KCNQ5: variants seen among roughly 807,000 people sequenced by gnomAD.
KCNQ5 encodes the protein potassium voltage-gated channel subfamily Q member 5.
In KCNQ5, 30 loss-of-function variants were observed where a neutral mutation model predicts 98.2. The observed-to-expected ratio is 0.31, with a 90% CI of 0.23 to 0.41. KCNQ5 has a LOEUF of 0.41. Among genes scored for constraint, KCNQ5 ranks in the 10% least tolerant of loss-of-function variants. The pLI is 1.00. For missense variants in KCNQ5, 835 were observed against 1,182.5 expected, an observed-to-expected ratio of 0.71 and a Z score of 4.31; for synonymous variants, 458 against 449.4, an observed-to-expected ratio of 1.02 and a Z score of -0.24.
At chr6:73,037,493 A>T (rs1198528955) in intron 2 of KCNQ5, among the ~76,000 whole-genome samples, 2 of 152,150 alleles carry the variant, frequency 1.3e-5, no homozygotes, top group African/African-American at 4.8e-5. Flanking sequence ...TTATTATTTT[A>T]TGTTTAATTT....
At chr6:73,022,991 C>G (rs1298582817) in intron 2 of KCNQ5, among the ~76,000 whole-genome samples, 1 of 152,162 alleles carries the variant, frequency 6.6e-6, no homozygotes, top group Admixed American at 6.5e-5. Context: ...GCACAATGAC[C>G]TGATCTGATC....
chr6:72,815,230 C>T (rs9351946), intron 1 of KCNQ5, among the ~76,000 whole-genome samples: 37,604 of 152,036 alleles, frequency 0.25, 4,901 homozygotes, highest in Admixed American at 0.37. Flanking sequence ...ACCTAACACA[C>T]GCCTGGCACA....
chr6:73,038,918 G>T (rs569486251), intron 2 of KCNQ5, among the ~76,000 whole-genome samples: 1 of 152,072 alleles, frequency 6.6e-6, no homozygotes, highest in Non-Finnish European at 1.5e-5. Flanking sequence ...GTGTGAAAAT[G>T]ATATATTCTT....
At chr6:72,873,716 G>A (rs143250401) in intron 1 of KCNQ5, among the ~76,000 whole-genome samples, 2,234 of 151,900 alleles carry the variant, frequency 0.015, 42 homozygotes, top group Middle Eastern at 0.051. Flanking sequence ...AGTGTTTTTC[G>A]TACATTAAAA....
At chr6:73,066,647 A>G (rs1773070791) in intron 3 of KCNQ5, among the ~76,000 whole-genome samples, 1 of 152,252 alleles carries the variant, frequency 6.6e-6, no homozygotes, top group Admixed American at 6.5e-5. Flanking sequence ...ATTCAAAGTT[A>G]GAAAGGATCC....
In KCNQ5 at chr6:73,146,626, C is replaced by CAAAAAA. The variant is rs58798764; in HGVS notation, c.1468+13007_1468+13012dup. 1.2e-3 allele frequency among the ~76,000 whole-genome samples: 33 copies of CAAAAAA among 28,484 alleles called. 4 individuals are homozygous for CAAAAAA. The highest frequency in any genetic ancestry group is 2.8e-3 in the African/African-American group (30 of 10,662). 18.7% of individuals were successfully genotyped at this position (28,484 alleles called of 152,430 possible). The stretch of plus-strand genomic sequence containing the variant: ...TGGGCAACAGAACAAGTCCCTGTCT[C>CAAAAAA]AAAAAAAAAAAAAAAAAAAAAAAAA... On this transcript the variant is annotated intron_variant, in intron 10 of 13. Coordinates refer to ENST00000370398, the MANE Select transcript of KCNQ5 (RefSeq NM_019842.4).
At chr6:72,637,754 T>C (rs1003186108) in intron 1 of KCNQ5, among the ~76,000 whole-genome samples, 3 of 152,178 alleles carry the variant, frequency 2.0e-5, no homozygotes, top group Non-Finnish European at 4.4e-5. Context: ...GAGAAATTGA[T>C]TGGCAATCCA....
At chr6:72,670,202 C>T (rs1056524218) in intron 1 of KCNQ5, among the ~76,000 whole-genome samples, 8 of 152,206 alleles carry the variant, frequency 5.3e-5, no homozygotes, top group Non-Finnish European at 1.2e-4. Flanking sequence ...TCATTTCCAT[C>T]TGGGCCCTCA....
intron 1 of KCNQ5, among the ~76,000 whole-genome samples, chr6:72,894,543 TC>T (rs904541632): frequency 6.6e-6 from 1 of 152,212 alleles, no homozygotes; most frequent in Non-Finnish European, 1.5e-5. Flanking sequence ...TCTTTGTAGA[TC>T]AAATACTAAG....
intron 5 of KCNQ5, among the ~76,000 whole-genome samples, chr6:73,090,377 G>T (rs949322790): frequency 5.9e-5 from 9 of 152,106 alleles, no homozygotes; most frequent in Non-Finnish European, 8.8e-5. Flanking sequence ...TTACTCTGCT[G>T]ACTGTTTCTT....
At chr6:72,901,495 T>C (rs1779504608) in intron 1 of KCNQ5, among the ~76,000 whole-genome samples, 1 of 152,214 alleles carries the variant, frequency 6.6e-6, no homozygotes, top group Non-Finnish European at 1.5e-5. Flanking sequence ...TAGATTTAAG[T>C]CCTTAATCCA....
intron 1 of KCNQ5, among the ~76,000 whole-genome samples, chr6:72,658,615 C>G (rs1424238340): frequency 8.0e-6 from 1 of 125,388 alleles, no homozygotes; most frequent in African/African-American, 3.1e-5. Context: ...GGGTCTTGCT[C>G]TGTCAGCCAG....
Position 73,108,002 on chromosome 6 carries a change from G to A in KCNQ5, c.1029+2635G>A, listed in dbSNP as rs927366446. On this transcript the variant is annotated intron_variant, in intron 6 of 13. Transcript: ENST00000370398. ...GAGTTGTCTGATTGAAATTTAGGAA[G>A]ACACATTGACATTTTGCTGAGAAAG... Among the ~76,000 whole-genome samples the A allele has an allele frequency of 4.6e-5, 7 of 152,202 alleles. 1 individual carries two copies. Among genetic ancestry groups the A allele is most frequent in the Admixed American group, 4.6e-4 (7 of 15,278 alleles).
intron 1 of KCNQ5, among the ~76,000 whole-genome samples, chr6:72,638,286 A>T (rs969990372): frequency 2.0e-5 from 3 of 152,080 alleles, no homozygotes; most frequent in Non-Finnish European, 4.4e-5. Flanking sequence ...AGCAGGAAAG[A>T]TTGCCTTACA....
At chr6:72,740,404 G>C (rs1252818577) in intron 1 of KCNQ5, among the ~76,000 whole-genome samples, 1 of 152,126 alleles carries the variant, frequency 6.6e-6, no homozygotes, top group East Asian at 1.9e-4. Flanking sequence ...AAACATCCCT[G>C]CTAGTGAGTA....
chr6:73,006,420 G>A (rs1437204729), intron 2 of KCNQ5, among the ~76,000 whole-genome samples: 1 of 152,126 alleles, frequency 6.6e-6, no homozygotes, highest in African/African-American at 2.4e-5. Context: ...GGGAGGCCAA[G>A]ACAGGCAGAT....
At chr6:72,717,261 C>T (rs1769693050) in intron 1 of KCNQ5, among the ~76,000 whole-genome samples, 1 of 152,114 alleles carries the variant, frequency 6.6e-6, no homozygotes, top group Non-Finnish European at 1.5e-5. Context: ...AGCCAATCAA[C>T]AGTAAGTTAT....
At chr6:72,949,444 G>A (rs180830642) in intron 1 of KCNQ5, among the ~76,000 whole-genome samples, 6 of 152,230 alleles carry the variant, frequency 3.9e-5, no homozygotes, top group Admixed American at 3.9e-4. Context: ...TAATACTTTT[G>A]TGTCTCTCCC....
intron 9 of KCNQ5, among the ~76,000 whole-genome samples, chr6:73,125,832 CTCT>C (rs533119943): frequency 6.6e-6 from 1 of 152,040 alleles, no homozygotes; most frequent in East Asian, 1.9e-4. Context: ...TATTTGGTAG[CTCT>C]AACTACCAAA....
Sources: allele counts gnomAD v4.1 joint callset (sites outside exome capture counted in the v4.1 genomes callset), GRCh38; gene constraint gnomAD v4.1.1; transcripts MANE v1.5; gene names NCBI Gene and HGNC (gene_info 2026-07-23, HGNC 2026-07-21).